IL1RAPL2: variants seen among roughly 807,000 people sequenced by gnomAD.
IL1RAPL2 encodes interleukin 1 receptor accessory protein like 2.
In IL1RAPL2, 3 loss-of-function variants were observed where a neutral mutation model predicts 44.1. The observed-to-expected ratio is 0.07, with a 90% CI of 0.03 to 0.18. The LOEUF (loss-of-function observed/expected upper bound fraction) is 0.18. Among genes scored for constraint, IL1RAPL2 ranks in the 10% least tolerant of loss-of-function variants. The pLI is 1.00. For synonymous variants in IL1RAPL2, 181 were observed against 178.8 expected (o/e 1.01, Z -0.10); for missense variants, 391 against 496.4 (o/e 0.79, Z 2.02).
intron 2 of IL1RAPL2, among the ~76,000 whole-genome samples, chrX:104,921,713 C>G (rs1312350393): frequency 8.9e-6 from 1 of 112,835 alleles, no homozygotes; most frequent in African/African-American, 3.2e-5. Context: ...ATGGGAACTC[C>G]CTTCAGGAGA....
At chrX:105,343,557 A>T (rs7067174) in intron 5 of IL1RAPL2, among the ~76,000 whole-genome samples, 14,523 of 111,464 alleles carry the variant, frequency 0.13, 2,303 homozygotes, top group African/African-American at 0.45. Context: ...ATATACCATG[A>T]TGGACATTTA....
At chrX:105,561,904 A>G (rs901088828) in intron 6 of IL1RAPL2, among the ~76,000 whole-genome samples, 4 of 112,224 alleles carry the variant, frequency 3.6e-5, no homozygotes, top group African/African-American at 1.3e-4. Context: ...GACAATACCC[A>G]GCTAGGTACA....
At chrX:105,504,889 A>G (rs1028006547) in intron 6 of IL1RAPL2, among the ~76,000 whole-genome samples, 2 of 111,857 alleles carry the variant, frequency 1.8e-5, no homozygotes, top group Non-Finnish European at 3.8e-5. Flanking sequence ...GATTCCATGT[A>G]TAGTCACTAT....
chrX:105,673,617 T>C (rs930101070), intron 6 of IL1RAPL2, among the ~76,000 whole-genome samples: 9 of 112,109 alleles, frequency 8.0e-5, no homozygotes, highest in Non-Finnish European at 1.7e-4. Flanking sequence ...TGAATAGTGC[T>C]GCAATGAACA....
chrX:104,587,460 C>A (rs1168359696), intron 1 of IL1RAPL2, among the ~76,000 whole-genome samples: 1 of 111,310 alleles, frequency 9.0e-6, no homozygotes, highest in Non-Finnish European at 1.9e-5. Flanking sequence ...TTGGAATCAC[C>A]CCACTCTTAG....
At chrX:105,223,371 C>T (rs782183504) in intron 3 of IL1RAPL2, among the ~76,000 whole-genome samples, 1 of 111,348 alleles carries the variant, frequency 9.0e-6, no homozygotes, top group South Asian at 3.9e-4. Context: ...CATGGATCTC[C>T]TCCTTTCTAC....
chrX:104,726,218 G>C (rs1280975903), intron 2 of IL1RAPL2, among the ~76,000 whole-genome samples: 4 of 111,233 alleles, frequency 3.6e-5, no homozygotes, highest in Non-Finnish European at 7.6e-5. Context: ...TGAGGCCTCT[G>C]TTCTGTTCCA....
chrX:105,353,939 G>A (rs910839824), intron 5 of IL1RAPL2, among the ~76,000 whole-genome samples: 180 of 110,908 alleles, frequency 1.6e-3, no homozygotes, highest in African/African-American at 5.3e-3. Context: ...TCTCCTGCCT[G>A]ATTGCCCTGG....
At chrX:105,596,126 G>A (rs1429492577) in intron 6 of IL1RAPL2, among the ~76,000 whole-genome samples, 1 of 109,971 alleles carries the variant, frequency 9.1e-6, no homozygotes, top group Non-Finnish European at 1.9e-5. Flanking sequence ...ATTTTTCGTT[G>A]GTTTATTTCT....
chrX:105,239,065 A>C (rs1182421485), intron 4 of IL1RAPL2, among the ~76,000 whole-genome samples: 1 of 111,669 alleles, frequency 9.0e-6, no homozygotes, highest in Admixed American at 9.6e-5. Context: ...AATAGATCAA[A>C]GAATGAGCTA....
At chrX:104,848,075 A>C (rs1048799010) in intron 2 of IL1RAPL2, among the ~76,000 whole-genome samples, 1 of 110,220 alleles carries the variant, frequency 9.1e-6, no homozygotes, top group Non-Finnish European at 1.9e-5. Flanking sequence ...GTTGCTTATC[A>C]GCTTAAGGAG....
At chrX:104,769,993 G>GT (rs1322005950) in intron 2 of IL1RAPL2, among the ~76,000 whole-genome samples, 1 of 111,367 alleles carries the variant, frequency 9.0e-6, no homozygotes, top group Non-Finnish European at 1.9e-5. Context: ...TTAATGCCCA[G>GT]TTTTTTCCTT....
At chrX:104,783,545 T>G (rs1932784617) in intron 2 of IL1RAPL2, among the ~76,000 whole-genome samples, 3 of 110,951 alleles carry the variant, frequency 2.7e-5, no homozygotes, top group African/African-American at 9.8e-5. Context: ...TTGGCAATGA[T>G]CTCTATTGAA....
intron 2 of IL1RAPL2, among the ~76,000 whole-genome samples, chrX:105,129,926 C>T (rs983789150): frequency 9.0e-5 from 10 of 110,841 alleles, no homozygotes; most frequent in Non-Finnish European, 1.5e-4. Context: ...ATCCCACCTA[C>T]GTATTCAGCT....
intron 2 of IL1RAPL2, among the ~76,000 whole-genome samples, chrX:104,886,036 T>C (rs1923233395): frequency 8.9e-6 from 1 of 112,841 alleles, no homozygotes; most frequent in African/African-American, 3.2e-5. Context: ...GACTTCCTCC[T>C]GGACACTGGC....
intron 1 of IL1RAPL2, among the ~76,000 whole-genome samples, chrX:104,588,021 G>T (rs888911594): frequency 7.2e-5 from 8 of 111,543 alleles, no homozygotes; most frequent in African/African-American, 2.6e-4. Flanking sequence ...TTTCCATTCT[G>T]TCACACCTGA....
chrX:105,126,272 A>G (rs1307122274), intron 2 of IL1RAPL2, among the ~76,000 whole-genome samples: 1 of 110,908 alleles, frequency 9.0e-6, no homozygotes, highest in Non-Finnish European at 1.9e-5. Context: ...CTATCATGTA[A>G]TTCTATACCA....
chrX:105,290,057 G>A (rs754535526), intron 5 of IL1RAPL2, among the ~76,000 whole-genome samples: 2 of 111,530 alleles, frequency 1.8e-5, no homozygotes, highest in African/African-American at 6.5e-5. Context: ...ATTTAGAAAC[G>A]TGGTAGTTGC....
At chrX:105,191,838 G>A (rs1269783255) in intron 2 of IL1RAPL2, among the ~76,000 whole-genome samples, 1 of 111,942 alleles carries the variant, frequency 8.9e-6, no homozygotes, top group Non-Finnish European at 1.9e-5. Flanking sequence ...CACTATTCAG[G>A]GGAAGTAGTG....
Sources: allele counts gnomAD v4.1 joint callset (sites outside exome capture counted in the v4.1 genomes callset), GRCh38; gene constraint gnomAD v4.1.1; transcripts MANE v1.5; gene names NCBI Gene and HGNC (gene_info 2026-07-23, HGNC 2026-07-21).